Variants in HDAC9 observed in about 807,000 individuals in gnomAD.
HDAC9 encodes the protein MEF-2 interacting transcription repressor (MITR) protein.
HDAC9 carries 41 observed loss-of-function variants against 139.4 expected under a neutral mutation model. The ratio of observed to expected loss-of-function variants is 0.29; its 90% CI spans 0.23 to 0.38. HDAC9 has a LOEUF of 0.38. Ranked by LOEUF, HDAC9 falls within the 10% of genes least tolerant of loss-of-function variation. The probability of loss-of-function intolerance (pLI) is 1.00; values close to 1 mark genes in which losing one functional copy is unlikely to be tolerated. For missense variants in HDAC9, 1,147 were observed against 1,297.0 expected (o/e 0.88, Z 1.78); for synonymous variants, 517 against 476.2 (o/e 1.09, Z -1.12).
intron 1 of HDAC9, among the ~76,000 whole-genome samples, chr7:18,423,285 A>G (rs1375222971): frequency 6.6e-6 from 1 of 152,186 alleles, no homozygotes; most frequent in East Asian, 1.9e-4. Context: ...TTCTTTTGTA[A>G]CCATAGATAT....
rs774226239 is a variant in HDAC9 at position 18,732,688 on chromosome 7, C to CAT, written c.1909+4932_1909+4933insTA. 1.3e-4 allele frequency among the ~76,000 whole-genome samples: 10 copies of CAT among 79,228 alleles called. 2 individuals are homozygous for CAT. Among genetic ancestry groups the CAT allele is most frequent in the African/African-American group, 7.4e-4 (10 of 13,440 alleles). 52.0% of individuals were successfully genotyped at this position (79,228 alleles called of 152,430 possible). ...ACGTGTATATGTGTGCGTATGTGTA[C>CAT]ACACACACACGTGTATGTGTGCGTA... On this transcript the variant is annotated intron_variant, in intron 13 of 25. Transcript: ENST00000686413.
At chr7:18,100,966 G>A (rs1227553145) in intron 1 of HDAC9, among the ~76,000 whole-genome samples, 4 of 152,120 alleles carry the variant, frequency 2.6e-5, no homozygotes, top group African/African-American at 9.7e-5. Context: ...AACACCCCAT[G>A]AATTATGAAG....
intron 15 of HDAC9, 119 bp downstream of exon 15, chr7:18,762,396 G>T: frequency 8.9e-7 from 1 of 1,125,474 alleles, no homozygotes. Flanking sequence ...TTTTCCAACA[G>T]CTTTGCTCTG....
chr7:18,327,551 A>T (rs901077485), intron 1 of HDAC9: 1 of 151,930 alleles, frequency 6.6e-6, no homozygotes, highest in African/African-American at 2.4e-5. Flanking sequence ...GCGACACTTC[A>T]TCTTGGGATG....
chr7:18,431,596 C>T (rs755960238), intron 1 of HDAC9, among the ~76,000 whole-genome samples: 2 of 152,142 alleles, frequency 1.3e-5, no homozygotes, highest in Admixed American at 6.5e-5. Flanking sequence ...TGAGAGGGCT[C>T]CCAGGCAATA....
rs565262393 is a variant in HDAC9, at chr7:18,634,358, G to A, written c.797-269G>A. The stretch of plus-strand genomic sequence containing the variant: ...GTTTTTTTTTTTTTTCTCATTCAAA[G>A]CTCCTGTGACCCTCTCTAACTGGAT... On this transcript the variant is annotated intron_variant, in intron 7 of 25. Transcript: ENST00000686413. Among the ~76,000 whole-genome samples, 6 of 148,964 alleles carry A rather than the reference G, an allele frequency of 4.0e-5. No individual in the cohort carries two copies. In the South Asian group the frequency reaches 1.1e-3, roughly 26 times the overall value.
chr7:18,686,337 T>C (rs1454782511), intron 12 of HDAC9, among the ~76,000 whole-genome samples: 1 of 152,028 alleles, frequency 6.6e-6, no homozygotes, highest in African/African-American at 2.4e-5. Context: ...AAAGATGGAA[T>C]GTGAAAAACT....
At chr7:18,895,975 A>C (rs1478107983) in intron 22 of HDAC9, among the ~76,000 whole-genome samples, 1 of 152,140 alleles carries the variant, frequency 6.6e-6, no homozygotes, top group Non-Finnish European at 1.5e-5. Flanking sequence ...ATACAAGCAT[A>C]AAGAAAACAT....
chr7:18,365,277 TG>T (rs1784092008), intron 1 of HDAC9, among the ~76,000 whole-genome samples: 1 of 152,100 alleles, frequency 6.6e-6, no homozygotes, highest in Non-Finnish European at 1.5e-5. Context: ...TTAGATCTAG[TG>T]TGAACTCTGA....
intron 1 of HDAC9, among the ~76,000 whole-genome samples, chr7:18,096,314 C>G (rs1031000977): frequency 6.6e-6 from 1 of 152,188 alleles, no homozygotes; most frequent in African/African-American, 2.4e-5. Flanking sequence ...TTTCTCTAAA[C>G]AGACTTTATT....
chr7:18,762,023 C>A, intron 14 of HDAC9, 134 bp from the exon 15 acceptor site: 1 of 943,456 alleles, frequency 1.1e-6, no homozygotes, highest in Non-Finnish European at 1.6e-6. Context: ...TGGTACTTTA[C>A]TAAGCAAATC....
chr7:18,110,524 A>C (rs748616579), intron 1 of HDAC9, among the ~76,000 whole-genome samples: 6 of 152,194 alleles, frequency 3.9e-5, no homozygotes, highest in Non-Finnish European at 7.3e-5. Flanking sequence ...TGTAAGTGCA[A>C]ATGGAGTGTA....
At chr7:18,709,482 A>T (rs186102198) in intron 12 of HDAC9, among the ~76,000 whole-genome samples, 119 of 152,242 alleles carry the variant, frequency 7.8e-4, no homozygotes, top group African/African-American at 2.6e-3. Flanking sequence ...TGATTTTCTC[A>T]TTGGCAAAAT....
chr7:18,302,717 A>G (rs911823247), intron 1 of HDAC9, among the ~76,000 whole-genome samples: 4 of 152,224 alleles, frequency 2.6e-5, no homozygotes, highest in Non-Finnish European at 4.4e-5. Context: ...TGATGAAGTC[A>G]TTCTGTAAAG....
At chr7:18,845,345 A>G (rs1444007462) in intron 21 of HDAC9, among the ~76,000 whole-genome samples, 3 of 152,186 alleles carry the variant, frequency 2.0e-5, no homozygotes, top group Non-Finnish European at 2.9e-5. Context: ...TAGAAGAGAA[A>G]GAAATCCTCC....
chr7:18,423,108 G>C (rs933879366), intron 1 of HDAC9, among the ~76,000 whole-genome samples: 1 of 152,080 alleles, frequency 6.6e-6, no homozygotes, highest in Admixed American at 6.6e-5. Context: ...ACTTGTTTTT[G>C]TTTTTACAGT....
intron 13 of HDAC9, among the ~76,000 whole-genome samples, chr7:18,730,050 T>G (rs1785910865): frequency 6.6e-6 from 1 of 152,238 alleles, no homozygotes. Flanking sequence ...CTTACAAGAA[T>G]GTTGCATCTT....
At chr7:18,900,513 C>G (rs183787423) in intron 22 of HDAC9, among the ~76,000 whole-genome samples, 6 of 152,224 alleles carry the variant, frequency 3.9e-5, no homozygotes, top group Admixed American at 1.3e-4. Context: ...CTTTCTGGCC[C>G]TCCCTGCAAT....
chr7:18,167,837 T>G (rs1788110878), intron 2 of HDAC9, among the ~76,000 whole-genome samples: 1 of 152,226 alleles, frequency 6.6e-6, no homozygotes, highest in South Asian at 2.1e-4. Context: ...GGTGAACAGC[T>G]GGCCTCTCTC....
Sources: allele counts gnomAD v4.1 joint callset (sites outside exome capture counted in the v4.1 genomes callset), GRCh38; gene constraint gnomAD v4.1.1; transcripts MANE v1.5; gene names NCBI Gene and HGNC (gene_info 2026-07-23, HGNC 2026-07-21).